EML1: variants seen among roughly 807,000 people sequenced by gnomAD.
EML1 encodes the protein echinoderm microtubule-associated protein-like 1.
A neutral mutation model predicts 110.4 loss-of-function variants in EML1; 27 were observed. The ratio of observed to expected loss-of-function variants is 0.24; its 90% CI spans 0.18 to 0.34. EML1 has a LOEUF of 0.34. EML1 is among the 10% of genes least tolerant of loss of function. The probability of loss-of-function intolerance (pLI) is 1.00; values close to 1 mark genes in which losing one functional copy is unlikely to be tolerated. For missense variants in EML1, 741 were observed against 1,030.9 expected (o/e 0.72, Z 3.85); for synonymous variants, 344 against 385.8 (o/e 0.89, Z 1.27).
intron 1 of EML1, among the ~76,000 whole-genome samples, chr14:99,739,305 A>G (rs1013745271): frequency 8.2e-4 from 124 of 152,126 alleles, no homozygotes; most frequent in African/African-American, 2.9e-3. Context: ...CCCACACCTG[A>G]CGCTAACCCG....
intron 1 of EML1, among the ~76,000 whole-genome samples, chr14:99,805,739 G>C (rs2057960136): frequency 6.6e-6 from 1 of 151,898 alleles, no homozygotes. Context: ...ACTTCCCAAA[G>C]TGTTGGGATT....
chr14:99,775,433 G>A (rs1003545929), intron 1 of EML1, among the ~76,000 whole-genome samples: 7 of 152,238 alleles, frequency 4.6e-5, no homozygotes, highest in Non-Finnish European at 1.0e-4. Context: ...GGGGAAATGT[G>A]GAGCAGTGGG....
intron 1 of EML1, among the ~76,000 whole-genome samples, chr14:99,833,568 G>T (rs961610383): frequency 7.9e-5 from 12 of 152,124 alleles, no homozygotes; most frequent in Non-Finnish European, 1.5e-4. Context: ...AAATTTTTCT[G>T]TAGGGAAAAT....
chr14:99,884,317 C>T (rs1212881191), intron 4 of EML1, among the ~76,000 whole-genome samples: 4 of 152,116 alleles, frequency 2.6e-5, no homozygotes, highest in Non-Finnish European at 4.4e-5. Flanking sequence ...GCCTGAAAAG[C>T]GAGGAATCAG....
intron 16 of EML1, among the ~76,000 whole-genome samples, chr14:99,919,425 G>GACACACACACACACAC (rs376238109): frequency 1.2e-4 from 12 of 97,466 alleles, no homozygotes; most frequent in East Asian, 5.4e-4. Flanking sequence ...CATGCACACA[G>GACACACACACACACAC]ACACACACAC....
chr14:99,902,475 G>A (rs2059778411), intron 9 of EML1, among the ~76,000 whole-genome samples: 1 of 152,164 alleles, frequency 6.6e-6, no homozygotes, highest in Non-Finnish European at 1.5e-5. Context: ...AGAATCTAAT[G>A]ACAAATGTAC....
chr14:99,749,198 T>C (rs766382497), intron 1 of EML1, among the ~76,000 whole-genome samples: 2 of 152,208 alleles, frequency 1.3e-5, no homozygotes, highest in Non-Finnish European at 2.9e-5. Flanking sequence ...CGCCGGATCA[T>C]ACGGTGACTC....
chr14:99,895,321 A>G (rs908961068), intron 6 of EML1, among the ~76,000 whole-genome samples: 5 of 151,552 alleles, frequency 3.3e-5, no homozygotes, highest in Admixed American at 2.0e-4. Flanking sequence ...TGCTCGTCTC[A>G]GCTTCCCAAA....
chr14:99,935,420 A>G (rs2060449187), intron 17 of EML1, among the ~76,000 whole-genome samples: 1 of 151,974 alleles, frequency 6.6e-6, no homozygotes, highest in Non-Finnish European at 1.5e-5. Flanking sequence ...AGCTGTGATC[A>G]TACCACTGCA....
chr14:99,808,040 A>C (rs926073815), intron 1 of EML1, among the ~76,000 whole-genome samples: 1 of 152,102 alleles, frequency 6.6e-6, no homozygotes, highest in Non-Finnish European at 1.5e-5. Flanking sequence ...CCTACAGACT[A>C]TCCCTGGGGT....
At chr14:99,796,113 G>A (rs1266396061) in intron 1 of EML1, among the ~76,000 whole-genome samples, 1 of 150,952 alleles carries the variant, frequency 6.6e-6, no homozygotes, top group African/African-American at 2.4e-5. Flanking sequence ...ATTGAGCCCA[G>A]AAGTTTGAAG....
chr14:99,817,264 T>C (rs1475114507), intron 1 of EML1, among the ~76,000 whole-genome samples: 1 of 152,206 alleles, frequency 6.6e-6, no homozygotes, highest in East Asian at 1.9e-4. Flanking sequence ...AAAATGATGT[T>C]CCCTCAGAAG....
chr14:99,904,099 A>G (rs1281852950), intron 9 of EML1, among the ~76,000 whole-genome samples: 1 of 152,128 alleles, frequency 6.6e-6, no homozygotes, highest in East Asian at 1.9e-4. Context: ...TTCAATTTTA[A>G]TCACTGTGAC....
chr14:99,826,776 A>G (rs899811266), intron 1 of EML1, among the ~76,000 whole-genome samples: 3 of 152,220 alleles, frequency 2.0e-5, no homozygotes, highest in Non-Finnish European at 4.4e-5. Context: ...GAAGAATTCC[A>G]TGCATGTTAT....
rs1399965948 is a variant in EML1 at position 99,939,074 on chromosome 14, CT to C, written c.2192-121del. ...CTGAGGCTATTGTGCTTTTTTGACCCTTGTTTCTAAAGCTGGACTTCAGGCA... is the reference window on the plus strand; with the variant it reads ...CTGAGGCTATTGTGCTTTTTTGACCCTGTTTCTAAAGCTGGACTTCAGGCA... On this transcript the variant is annotated intron_variant, in intron 20 of 21. Coordinates refer to ENST00000262233, the MANE Select transcript of EML1 (RefSeq NM_004434.3). The surrounding 1 kb of genome is among the most constrained non-coding windows in gnomAD (Gnocchi z 4.2). The C allele has an allele frequency of 5.2e-5, 76 of 1,461,062 alleles. 2 individuals are homozygous for C. In the Admixed American group the frequency reaches 1.6e-3, roughly 30 times the overall value. 90.5% of individuals were successfully genotyped at this position (1,461,062 alleles called of 1,614,324 possible).
chr14:99,820,458 A>G (rs1309386626), intron 1 of EML1, among the ~76,000 whole-genome samples: 1 of 152,178 alleles, frequency 6.6e-6, no homozygotes, highest in South Asian at 2.1e-4. Flanking sequence ...TTGAGGATGA[A>G]GAGAAGAATC....
rs1299660102 is a variant in EML1 at position 99,939,363 on chromosome 14, A to G, written c.2322+36A>G. ...TGTTTCTTCACTAATCTTATCCCCC[A>G]TGGGGCATGCACGTACACCCGACCT... On this transcript the variant is annotated intron_variant, in intron 21 of 21. Coordinates refer to ENST00000262233, the MANE Select transcript of EML1 (RefSeq NM_004434.3). This position sits in a 1 kb window ranked among gnomAD's most constrained non-coding sequence, Gnocchi z 4.2. 6.2e-7 allele frequency: 1 copy of G among 1,612,938 alleles called. No individual in the cohort carries two copies. The highest frequency in any genetic ancestry group is 1.7e-5 in the Admixed American group (1 of 59,922).
intron 3 of EML1, chr14:99,874,995 G>A (rs1459157699): frequency 1.2e-6 from 2 of 1,613,004 alleles, no homozygotes; most frequent in Admixed American, 1.7e-5. Flanking sequence ...AAGGTGAGGG[G>A]AACTTAGATT....
intron 1 of EML1, among the ~76,000 whole-genome samples, chr14:99,739,123 T>A (rs957364280): frequency 0.024 from 311 of 12,802 alleles, no homozygotes; most frequent in South Asian, 0.23. Flanking sequence ...AGAGAGAGTG[T>A]GTGTGTGTGT....
Sources: gnomAD v4.1 joint callset for allele counts (sites outside exome capture counted in the v4.1 genomes callset) on GRCh38, gnomAD v4.1.1 for gene constraint, Gnocchi (gnomAD v3.1) non-coding constraint, MANE v1.5 for transcripts, NCBI Gene and HGNC (gene_info 2026-07-23, HGNC 2026-07-21) for gene names.